GPM6B: variants seen among roughly 807,000 people sequenced by gnomAD.
GPM6B encodes neuronal membrane glycoprotein M6-b.
A neutral mutation model predicts 27.2 loss-of-function variants in GPM6B; 4 were observed. The observed-to-expected ratio is 0.15, with a 90% CI of 0.07 to 0.34. GPM6B has a LOEUF of 0.34. Among genes scored for constraint, GPM6B ranks in the 10% least tolerant of loss-of-function variants. GPM6B has a pLI of 1.00. For synonymous variants in GPM6B, 124 were observed against 103.1 expected, an observed-to-expected ratio of 1.20 and a Z score of -1.23; for missense variants, 183 against 261.9, an observed-to-expected ratio of 0.70 and a Z score of 2.08.
intron 1 of GPM6B, among the ~76,000 whole-genome samples, chrX:13,813,959 T>A (rs770223642): frequency 1.8e-5 from 2 of 112,494 alleles, no homozygotes; most frequent in African/African-American, 6.5e-5. Context: ...AATTTTGGTA[T>A]CTGGTAGCAT....
intron 1 of GPM6B, among the ~76,000 whole-genome samples, chrX:13,923,669 G>C (rs1237692038): frequency 8.9e-6 from 1 of 112,279 alleles, no homozygotes; most frequent in African/African-American, 3.2e-5. Flanking sequence ...AAACATGGAA[G>C]TAATGTTTGA....
At chrX:13,906,938 AG>A (rs1173280255) in intron 1 of GPM6B, among the ~76,000 whole-genome samples, 3 of 112,299 alleles carry the variant, frequency 2.7e-5, no homozygotes, top group Non-Finnish European at 3.8e-5. Context: ...AGATTGATTC[AG>A]GAATGATGGT....
intron 1 of GPM6B, among the ~76,000 whole-genome samples, chrX:13,929,032 G>C (rs1415308234): frequency 8.9e-6 from 1 of 111,812 alleles, no homozygotes; most frequent in East Asian, 2.8e-4. Flanking sequence ...CAAACGTAAT[G>C]AAGACATGAC....
chrX:13,906,169 A>G (rs2050329464), intron 1 of GPM6B, among the ~76,000 whole-genome samples: 1 of 111,981 alleles, frequency 8.9e-6, no homozygotes. Context: ...ACCCCCTTTC[A>G]CTGGGTTTTC....
chrX:13,892,292 T>C (rs1258407278), intron 1 of GPM6B, among the ~76,000 whole-genome samples: 1 of 112,039 alleles, frequency 8.9e-6, no homozygotes, highest in Middle Eastern at 4.2e-3. Context: ...ATGTTGCCTT[T>C]GAGTGTTCAG....
intron 1 of GPM6B, among the ~76,000 whole-genome samples, chrX:13,918,714 TAC>T (rs1230758999): frequency 9.0e-6 from 1 of 111,159 alleles, no homozygotes; most frequent in Non-Finnish European, 1.9e-5. Flanking sequence ...TCGGGAAACT[TAC>T]AATCACGGCA....
At chrX:13,776,354 C>A in intron 6 of GPM6B, 51 bp from the exon 7 acceptor site, 1 of 988,760 alleles carries the variant, frequency 1.0e-6, no homozygotes, top group Non-Finnish European at 1.4e-6. Context: ...AATGAAATGG[C>A]CTACACTCAT....
At chrX:13,887,982 G>A (rs2050153179) in intron 1 of GPM6B, among the ~76,000 whole-genome samples, 1 of 111,775 alleles carries the variant, frequency 8.9e-6, no homozygotes, top group Non-Finnish European at 1.9e-5. Context: ...AGCTTAAAAA[G>A]ACATACAGCT....
intron 1 of GPM6B, among the ~76,000 whole-genome samples, chrX:13,848,916 C>G (rs2049682221): frequency 9.0e-6 from 1 of 111,725 alleles, no homozygotes; most frequent in Admixed American, 9.5e-5. Context: ...ATGGATGAAC[C>G]TGAAAAATAC....
intron 1 of GPM6B, among the ~76,000 whole-genome samples, chrX:13,904,222 T>C (rs2050307772): frequency 8.9e-6 from 1 of 112,166 alleles, no homozygotes; most frequent in Non-Finnish European, 1.9e-5. Flanking sequence ...TTAATGCTAG[T>C]GGAGGTATAA....
chrX:13,872,021 T>C (rs775758842), intron 1 of GPM6B, among the ~76,000 whole-genome samples: 4 of 111,325 alleles, frequency 3.6e-5, no homozygotes, highest in Non-Finnish European at 7.5e-5. Context: ...ATATAATTAG[T>C]CAAGATAGAG....
intron 1 of GPM6B, among the ~76,000 whole-genome samples, chrX:13,873,452 G>T (rs951359663): frequency 1.3e-4 from 14 of 111,656 alleles, no homozygotes; most frequent in African/African-American, 4.2e-4. Context: ...GGATTATGGG[G>T]TTCCTTTGAG....
chrX:13,920,072 C>T (rs1480066269), intron 1 of GPM6B, among the ~76,000 whole-genome samples: 2 of 108,905 alleles, frequency 1.8e-5, no homozygotes, highest in African/African-American at 6.7e-5. Context: ...GAGACCAGCC[C>T]GGCCAACATG....
chrX:13,825,653 C>T (rs1265103837), intron 1 of GPM6B, among the ~76,000 whole-genome samples: 1 of 112,773 alleles, frequency 8.9e-6, no homozygotes, highest in African/African-American at 3.2e-5. Context: ...AACCACTTTA[C>T]AGGGGGGCTA....
At chrX:13,916,620 C>T (rs1159251073) in intron 1 of GPM6B, among the ~76,000 whole-genome samples, 1 of 108,456 alleles carries the variant, frequency 9.2e-6, no homozygotes, top group Non-Finnish European at 1.9e-5. Context: ...AGCATGTCTG[C>T]ACTGTTTAAG....
chrX:13,835,825 G>T (rs1481199333), intron 1 of GPM6B, among the ~76,000 whole-genome samples: 3 of 112,197 alleles, frequency 2.7e-5, no homozygotes, highest in Non-Finnish European at 5.6e-5. Context: ...TCAGTGACAA[G>T]AAGTCTCACT....
At chrX:13,829,459 C>A (rs2049413419) in intron 1 of GPM6B, among the ~76,000 whole-genome samples, 1 of 112,086 alleles carries the variant, frequency 8.9e-6, no homozygotes, top group African/African-American at 3.2e-5. Flanking sequence ...TATGCTCCCA[C>A]CACCATCATA....
At chrX:13,799,191 T>TA in intron 2 of GPM6B, among the ~76,000 whole-genome samples, 1 of 1,907 alleles carries the variant, frequency 5.2e-4, no homozygotes, top group African/African-American at 2.5e-3. Context: ...GCCAACCTAA[T>TA]TTTTTTTTTT....
In GPM6B at chrX:13,816,950, CT is replaced by C; in HGVS notation, c.-47del. 3 of 1,163,626 alleles carry C rather than the reference CT, an allele frequency of 2.6e-6. No homozygotes were observed. Among genetic ancestry groups the C allele is most frequent in the Non-Finnish European group, 3.4e-6 (3 of 875,041 alleles). On this transcript the variant is annotated 5_prime_UTR_variant, in exon 1 of 8. Coordinates refer to ENST00000316715, the MANE Select transcript of GPM6B (RefSeq NM_001001995.3). The stretch of plus-strand genomic sequence containing the variant: ...TTCCCCCTGTTCCCCCCAACACACA[CT>C]TGTTTTTCCTCCTCTTCCTTTTCTT...
Sources: allele counts gnomAD v4.1 joint callset (sites outside exome capture counted in the v4.1 genomes callset), GRCh38; gene constraint gnomAD v4.1.1; transcripts MANE v1.5; gene names NCBI Gene and HGNC (gene_info 2026-07-23, HGNC 2026-07-21).